Variants in LRRC25 observed in about 807,000 individuals in gnomAD.
LRRC25 encodes leucine rich repeat containing 25, also known as leucine-rich repeat-containing protein 25.
LRRC25 carries 5 observed loss-of-function variants against 18.8 expected under a neutral mutation model. The ratio of observed to expected loss-of-function variants is 0.27; its 90% CI spans 0.14 to 0.56. The LOEUF (loss-of-function observed/expected upper bound fraction) is 0.56. Ranked by LOEUF, LRRC25 falls within the 20% of genes least tolerant of loss-of-function variation. The pLI, the probability that LRRC25 is intolerant of heterozygous loss-of-function variation, is 0.93. For synonymous variants in LRRC25, 161 were observed against 176.8 expected, an observed-to-expected ratio of 0.91 and a Z score of 0.71; for missense variants, 341 against 389.8, an observed-to-expected ratio of 0.87 and a Z score of 1.05.
At chr19:18,392,238 A>C (rs1971911315) in intron 1 of LRRC25, 113 bp from the exon 2 acceptor site, 5 of 1,120,194 alleles carry the variant, frequency 4.5e-6, no homozygotes, top group Non-Finnish European at 6.6e-6. Context: ...CACGCCTGTA[A>C]TCCAGCACTT....
At chr19:18,392,201 G>A (rs1971910711) in intron 1 of LRRC25, 76 bp from the exon 2 acceptor site, 5 of 1,502,544 alleles carry the variant, frequency 3.3e-6, no homozygotes, top group African/African-American at 1.4e-5. Flanking sequence ...CTTTGAGAAA[G>A]TCCAGAGTGG....
intron 1 of LRRC25, among the ~76,000 whole-genome samples, chr19:18,395,475 T>C (rs1046993335): frequency 6.6e-6 from 1 of 151,972 alleles, no homozygotes; most frequent in Admixed American, 6.6e-5. Context: ...CCCCACTCTA[T>C]GGAGACAGAA....
chr19:18,395,620 G>A (rs1971958371), intron 1 of LRRC25, among the ~76,000 whole-genome samples: 1 of 152,158 alleles, frequency 6.6e-6, no homozygotes, highest in Admixed American at 6.5e-5. Context: ...TGGGTTTACA[G>A]GTCATAAGGG....
At chr19:18,392,157 G>C (rs761144210) in intron 1 of LRRC25, 32 bp from the exon 2 acceptor site, 3 of 1,606,860 alleles carry the variant, frequency 1.9e-6, no homozygotes, top group Non-Finnish European at 8.5e-7. Flanking sequence ...GGGTAAGTGT[G>C]GGAGGGGGAG....
intron 1 of LRRC25, among the ~76,000 whole-genome samples, chr19:18,392,640 G>T (rs1421775637): frequency 6.6e-6 from 1 of 152,162 alleles, no homozygotes; most frequent in Non-Finnish European, 1.5e-5. Flanking sequence ...TTTAGGGAAG[G>T]TTCTGTGGGT....
chr19:18,396,187 T>C lies in LRRC25; in HGVS notation c.777A>G (p.Gln259=), dbSNP rs748842486. 5 of 1,591,532 alleles carry C rather than the reference T, an allele frequency of 3.1e-6. No individual in the cohort carries two copies. The highest frequency in any genetic ancestry group is 4.3e-6 in the Non-Finnish European group (5 of 1,164,372). Residue 259 remains glutamine, a splice_region_variant and synonymous_variant, in exon 1 of 2, where the codon CAA becomes CAG. Coordinates refer to ENST00000339007, the MANE Select transcript of LRRC25 (RefSeq NM_145256.3). ...AGGTGTCTCAGTGGCTTACTTACCC[T>C]TGTTCATCCCACTGGTGCTCGGCTG... is the stretch of plus-strand genomic sequence containing the variant. ...QPAAEHQWDE[Q]GAHPSEDNDF...
Position 18,396,566 on chromosome 19 carries a change from C to T in LRRC25, c.398G>A (p.Gly133Asp), listed in dbSNP as rs566076737. Residue 133 changes from glycine to aspartate, a missense_variant, in exon 1 of 2, where the codon GGC (glycine) becomes GAC (aspartate). Coordinates refer to ENST00000339007, the MANE Select transcript of LRRC25 (RefSeq NM_145256.3). ...GTCCCAGCAGAGCAGAGGCTTCTGG[C>T]CAGAGCAGTTGTCTCGGCGGATGTC... Reference protein sequence around the residue: ...WHDIRRDNCSGQKPLLCWDTT... With the variant: ...WHDIRRDNCSDQKPLLCWDTT... The T allele has an allele frequency of 6.2e-7, 1 of 1,613,848 alleles. No individual in the cohort carries two copies. Among genetic ancestry groups the T allele is most frequent in the South Asian group, 1.1e-5 (1 of 91,086 alleles).
rs1971981629 is a variant in LRRC25, at chr19:18,397,058, A to G, written c.-95T>C. On this transcript the variant is annotated 5_prime_UTR_variant, in exon 1 of 2. Coordinates refer to ENST00000339007, the MANE Select transcript of LRRC25 (RefSeq NM_145256.3). ...CCGCCAGTGTTTATTATTATAGCTCAGACCAGCTCAAGCCGCTTCTGAAAT... is the reference window on the plus strand; with the variant it reads ...CCGCCAGTGTTTATTATTATAGCTCGGACCAGCTCAAGCCGCTTCTGAAAT... 1 of 1,312,506 alleles carries G rather than the reference A, an allele frequency of 7.6e-7. No homozygotes were observed. Among genetic ancestry groups the G allele is most frequent in the Admixed American group, 2.4e-5 (1 of 41,134 alleles). 81.3% of individuals were successfully genotyped at this position (1,312,506 alleles called of 1,614,324 possible).
Position 18,392,159 on chromosome 19 carries a change from GA to G in LRRC25, c.780-35del, listed in dbSNP as rs746662597. On this transcript the variant is annotated intron_variant, in intron 1 of 1. Transcript: ENST00000339007. ...ACAGACAGACCAGGGGTAAGTGTGG[GA>G]GGGGGAGGACTCAGGGGACAGGCAC... 106 of 1,606,680 alleles carry G rather than the reference GA, an allele frequency of 6.6e-5. 1 individual carries two copies. The South Asian group carries it at 1.1e-3, about 16-fold the overall frequency.
chr19:18,393,127 G>A (rs749510217), intron 1 of LRRC25, among the ~76,000 whole-genome samples: 16 of 152,326 alleles, frequency 1.1e-4, no homozygotes, highest in South Asian at 4.1e-4. Flanking sequence ...TGCTCCTTCC[G>A]ATGGGAAATG....
At chr19:18,392,815 C>A (rs1430518380) in intron 1 of LRRC25, among the ~76,000 whole-genome samples, 1 of 152,044 alleles carries the variant, frequency 6.6e-6, no homozygotes, top group Non-Finnish European at 1.5e-5. Context: ...CAGGGTGAGA[C>A]CCCATCTCTA....
chr19:18,393,924 T>C (rs1433490110), intron 1 of LRRC25, among the ~76,000 whole-genome samples: 1 of 152,192 alleles, frequency 6.6e-6, no homozygotes, highest in Non-Finnish European at 1.5e-5. Context: ...GAGGCCAAGA[T>C]GAACATCAGA....
chr19:18,396,152 C>T (rs757153281), intron 1 of LRRC25, 33 bp downstream of exon 1: 1 of 1,557,880 alleles, frequency 6.4e-7, no homozygotes, highest in Non-Finnish European at 8.7e-7. Flanking sequence ...TTATTATTCA[C>T]CACTTTGGCA....
chr19:18,396,940 C>G lies in LRRC25; in HGVS notation c.24G>C (p.Thr8=). MGGTLAW[T]LLLPLLLRES... is the part of the protein sequence containing the mutation. ...CCCGCAGCAGCAGCGGCAACAGCAG[C>G]GTCCATGCCAGGGTGCCCCCCATTC... The change falls in exon 1 of 2, where the codon ACG becomes ACC. Residue 8 remains threonine, a synonymous_variant. Coordinates refer to ENST00000339007, the MANE Select transcript of LRRC25 (RefSeq NM_145256.3). 1.2e-6 allele frequency: 2 copies of G among 1,609,256 alleles called. No individual in the cohort carries two copies. The highest frequency in any genetic ancestry group is 1.1e-5 in the South Asian group (1 of 91,012).
At chr19:18,392,320 C>T (rs1364704824) in intron 1 of LRRC25, among the ~76,000 whole-genome samples, 195 bp from the exon 2 acceptor site, 4 of 151,816 alleles carry the variant, frequency 2.6e-5, no homozygotes, top group African/African-American at 4.8e-5. Context: ...GATGAAACCT[C>T]GTCTCTACTA....
intron 1 of LRRC25, among the ~76,000 whole-genome samples, chr19:18,392,859 G>C (rs1348349435): frequency 2.0e-5 from 3 of 151,774 alleles, no homozygotes. Flanking sequence ...GCGTGGTGAC[G>C]TGTGCCTGGA....
At chr19:18,394,725 T>C (rs1568333099) in intron 1 of LRRC25, among the ~76,000 whole-genome samples, 1 of 152,206 alleles carries the variant, frequency 6.6e-6, no homozygotes, top group Non-Finnish European at 1.5e-5. Context: ...ATTATAGGCA[T>C]GAGCCACCGC....
chr19:18,393,790 C>T (rs759381188), intron 1 of LRRC25, among the ~76,000 whole-genome samples: 9 of 152,088 alleles, frequency 5.9e-5, no homozygotes, highest in African/African-American at 1.9e-4. Context: ...CATTTCCCTG[C>T]CTCCCAGAGC....
intron 1 of LRRC25, among the ~76,000 whole-genome samples, chr19:18,395,496 AG>A (rs1971956962): frequency 6.6e-6 from 1 of 152,120 alleles, no homozygotes; most frequent in South Asian, 2.1e-4. Flanking sequence ...ATGGAGGTTC[AG>A]AGACAGCCTT....
Sources: gnomAD v4.1 joint callset for allele counts (sites outside exome capture counted in the v4.1 genomes callset) on GRCh38, gnomAD v4.1.1 for gene constraint, MANE v1.5 for transcripts, NCBI Gene and HGNC (gene_info 2026-07-23, HGNC 2026-07-21) for gene names.